The following SPTBN4 variants were observed in gnomAD, a reference collection of about 807,000 sequenced individuals.
SPTBN4 encodes the protein spectrin beta chain, non-erythrocytic 4.
SPTBN4 carries 96 observed loss-of-function variants against 277.8 expected under a neutral mutation model. The observed-to-expected ratio is 0.35, with a 90% CI of 0.29 to 0.41. SPTBN4 has a LOEUF of 0.41. SPTBN4 is among the 10% of genes least tolerant of loss of function. The pLI, the probability that SPTBN4 is intolerant of heterozygous loss-of-function variation, is 1.00. For missense variants in SPTBN4, 3,006 were observed against 3,595.7 expected (o/e 0.84, Z 4.19); for synonymous variants, 1,481 against 1,580.3 (o/e 0.94, Z 1.49).
At chr19:40,498,801 A>T (rs1039933389) in intron 7 of SPTBN4, among the ~76,000 whole-genome samples, 3 of 151,824 alleles carry the variant, frequency 2.0e-5, no homozygotes, top group African/African-American at 7.3e-5. Flanking sequence ...TCACAGGCTC[A>T]AGTGATTCTC....
intron 16 of SPTBN4, among the ~76,000 whole-genome samples, chr19:40,523,101 C>A (rs1251834030): frequency 6.6e-6 from 1 of 152,140 alleles, no homozygotes; most frequent in Non-Finnish European, 1.5e-5. Context: ...ACCACTGCAT[C>A]CAGCCTGGGC....
chr19:40,523,940 G>A (rs1487019273), intron 17 of SPTBN4, among the ~76,000 whole-genome samples: 2 of 152,054 alleles, frequency 1.3e-5, no homozygotes, highest in Non-Finnish European at 2.9e-5. Flanking sequence ...AGTAGCTGGG[G>A]CTACAGGCAT....
chr19:40,502,467 T>C lies in SPTBN4; in HGVS notation c.1163T>C (p.Phe388Ser). The C allele has an allele frequency of 6.2e-7, 1 of 1,613,562 alleles. No homozygotes were observed. Among genetic ancestry groups the C allele is most frequent in the Non-Finnish European group, 8.5e-7 (1 of 1,179,926 alleles). ...SKLRACNRRL[F>S]VPREGCGIWD... ...CTGCGTGCCTGCAACCGTCGCCTCT[T>C]TGTGCCTCGGGAGGGCTGTGGCATC... Residue 388 changes from phenylalanine (F) to serine (S), a missense_variant, in exon 10 of 36, where the codon TTT becomes TCT. This residue lies in a region of SPTBN4 where 1,759 missense variants were observed against 2,061.5 expected (regional missense o/e 0.85). Coordinates refer to ENST00000598249, the MANE Select transcript of SPTBN4 (RefSeq NM_020971.3). This position sits in a 1 kb window ranked among gnomAD's most constrained non-coding sequence, Gnocchi z 4.9.
chr19:40,544,114 T>G (rs923594628), intron 20 of SPTBN4, among the ~76,000 whole-genome samples: 57 of 146,116 alleles, frequency 3.9e-4, no homozygotes, highest in African/African-American at 6.9e-4. Flanking sequence ...CTAAATTGCT[T>G]CTTCTTCTTC....
At chr19:40,570,326 G>C in intron 32 of SPTBN4, 110 bp from the exon 33 acceptor site, 1 of 618,746 alleles carries the variant, frequency 1.6e-6, no homozygotes, top group African/African-American at 1.9e-5. Flanking sequence ...TCGCCTCCGA[G>C]ACAAATGGCC....
chr19:40,507,620 G>A (rs557546865), intron 13 of SPTBN4, among the ~76,000 whole-genome samples: 6 of 152,240 alleles, frequency 3.9e-5, no homozygotes, highest in South Asian at 2.1e-4. Context: ...CGAGGCAGGC[G>A]GATCACTTGA....
chr19:40,556,017 T>C (rs2080974072), intron 24 of SPTBN4, 67 bp from the exon 25 acceptor site: 2 of 1,441,612 alleles, frequency 1.4e-6, no homozygotes, highest in Non-Finnish European at 1.9e-6. Context: ...GGAGGGGGTT[T>C]AGGGGGGTCA....
In SPTBN4 at chr19:40,502,938, A is replaced by G. The variant is rs1568782639; in HGVS notation, c.1362+5A>G. The G allele has an allele frequency of 6.2e-7, 1 of 1,613,374 alleles. No individual in the cohort carries two copies. Among genetic ancestry groups the G allele is most frequent in the South Asian group, 1.1e-5 (1 of 91,056 alleles). ...AACCAGCGTCTGGTCTCCCAGGTAC[A>G]AGGTGTAGGGCTTGGCTCCAGGGTA... On this transcript the variant is annotated splice_donor_5th_base_variant and intron_variant, in intron 11 of 35. Coordinates refer to ENST00000598249, the MANE Select transcript of SPTBN4 (RefSeq NM_020971.3). The surrounding 1 kb of genome is among the most constrained non-coding windows in gnomAD (Gnocchi z 4.9).
At chr19:40,469,616 TG>T (rs1218229416) in intron 1 of SPTBN4, among the ~76,000 whole-genome samples, 1 of 151,922 alleles carries the variant, frequency 6.6e-6, no homozygotes, top group Non-Finnish European at 1.5e-5. Context: ...ATACATCTAA[TG>T]TCACTTAACC....
rs1387173423 is a variant in SPTBN4 at position 40,515,126 on chromosome 19, ATTAAATTAAATTAAATAAG to A, written c.2766-166_2766-148del. ...TCTCAATACATACATACATAAATTA[ATTAAATTAAATTAAATAAG>A]TTAAATTAAATTAAATAAAATAAGC... On this transcript the variant is annotated intron_variant, in intron 14 of 35. Transcript: ENST00000598249. This position sits in a 1 kb window ranked among gnomAD's most constrained non-coding sequence, Gnocchi z 4.1. Among the ~76,000 whole-genome samples, 2 of 152,046 alleles carry A rather than the reference ATTAAATTAAATTAAATAAG, an allele frequency of 1.3e-5. No individual in the cohort carries two copies. The highest frequency in any genetic ancestry group is 3.8e-4 in the East Asian group (2 of 5,200).
Position 40,570,546 on chromosome 19 carries a change from G to A in SPTBN4, c.7137G>A (p.Lys2379=). The change falls in exon 33 of 36, where the codon AAG becomes AAA. Residue 2379 remains lysine, a synonymous_variant. Transcript: ENST00000598249. ...GGCCCCGGGCGCGGGACCGGCCCAAGCCGCGACGGCGGCCGCGGCCCAGAG... is the reference window on the plus strand; with the variant it reads ...GGCCCCGGGCGCGGGACCGGCCCAAACCGCGACGGCGGCCGCGGCCCAGAG... ...PDRPRARDRP[K]PRRRPRPREG... is the part of the protein sequence containing the mutation. 1 of 1,362,574 alleles carries A rather than the reference G, an allele frequency of 7.3e-7. No homozygotes were observed. Among genetic ancestry groups the A allele is most frequent in the Non-Finnish European group, 9.4e-7 (1 of 1,062,548 alleles). 84.4% of individuals were successfully genotyped at this position (1,362,574 alleles called of 1,614,324 possible).
chr19:40,534,471 A>T (rs2080713033), intron 20 of SPTBN4, 128 bp downstream of exon 20: 4 of 1,272,854 alleles, frequency 3.1e-6, no homozygotes, highest in South Asian at 3.1e-5. Flanking sequence ...CTTGTAGAAG[A>T]TGAGAAAGGG....
intron 14 of SPTBN4, 53 bp downstream of exon 14, chr19:40,513,607 C>T: frequency 6.9e-7 from 1 of 1,450,836 alleles, no homozygotes; most frequent in Non-Finnish European, 9.1e-7. Context: ...CACCCAGTCT[C>T]ACCTTCATTG....
intron 2 of SPTBN4, among the ~76,000 whole-genome samples, chr19:40,473,996 A>AT (rs1490542139): frequency 2.0e-5 from 3 of 151,182 alleles, no homozygotes; most frequent in Admixed American, 1.3e-4. Context: ...AAAAATAAAA[A>AT]AAAAAATTAG....
rs749867676 is a variant in SPTBN4, at chr19:40,502,781, G to C, written c.1210G>C (p.Gly404Arg). 1 of 1,613,792 alleles carries C rather than the reference G, an allele frequency of 6.2e-7. No homozygotes were observed. The highest frequency in any genetic ancestry group is 8.5e-7 in the Non-Finnish European group (1 of 1,179,928). ...CTCCTCCCATCTCCTGCAGGCATGG[G>C]GTGAGCTGGAGAAGGCTGAGCATGA... ...CGIWDIDKAW[G>R]ELEKAEHERE... is the part of the protein sequence containing the mutation. Residue 404 changes from glycine to arginine, a missense_variant, in exon 11 of 36, where the codon GGT (glycine) becomes CGT (arginine). Physicochemically the swap from Gly to Arg is moderately radical, Grantham distance 125. Coordinates refer to ENST00000598249, the MANE Select transcript of SPTBN4 (RefSeq NM_020971.3). This position sits in a 1 kb window ranked among gnomAD's most constrained non-coding sequence, Gnocchi z 4.9.
chr19:40,557,514 C>T, intron 26 of SPTBN4, 111 bp downstream of exon 26: 3 of 1,324,818 alleles, frequency 2.3e-6, no homozygotes, highest in South Asian at 1.6e-5. Context: ...GTGGCACAGA[C>T]AGAAAGCGGA....
At chr19:40,523,696 AG>A (rs1253877395) in intron 17 of SPTBN4, 57 bp downstream of exon 17, 15 of 1,515,606 alleles carry the variant, frequency 9.9e-6, no homozygotes, top group African/African-American at 1.4e-5. Flanking sequence ...GGCCCAGCAT[AG>A]GGGAGTGGTG....
chr19:40,536,131 T>C (rs2080732790), intron 20 of SPTBN4, among the ~76,000 whole-genome samples: 1 of 152,106 alleles, frequency 6.6e-6, no homozygotes. Flanking sequence ...GATCTGAATG[T>C]GATGGCCAAT....
Position 40,517,173 on chromosome 19 carries a change from A to G in SPTBN4, c.2903+1725A>G, listed in dbSNP as rs138707829. On this transcript the variant is annotated intron_variant, in intron 15 of 35. Coordinates refer to ENST00000598249, the MANE Select transcript of SPTBN4 (RefSeq NM_020971.3). The stretch of plus-strand genomic sequence containing the variant: ...TGAGGTGGAAACTACCCCACATTAG[A>G]GAGGAGAAAACTGGATCTCAGAGAG... Among the ~76,000 whole-genome samples the G allele has an allele frequency of 2.9e-4, 44 of 152,268 alleles. No individual in the cohort carries two copies. The East Asian group carries it at 7.7e-3, about 27-fold the overall frequency.
Sources: allele counts gnomAD v4.1 joint callset (sites outside exome capture counted in the v4.1 genomes callset), GRCh38; gene constraint gnomAD v4.1.1; regional missense constraint gnomAD v4.1.1; non-coding constraint Gnocchi (gnomAD v3.1); transcripts MANE v1.5; gene names NCBI Gene and HGNC (gene_info 2026-07-23, HGNC 2026-07-21).